Variants in RGS10 observed in about 807,000 individuals in gnomAD.
RGS10 encodes regulator of G protein signaling 10, also known as regulator of G-protein signalling 10.
RGS10 carries 11 observed loss-of-function variants against 23.5 expected under a neutral mutation model. The ratio of observed to expected loss-of-function variants is 0.47; its 90% CI spans 0.29 to 0.77. RGS10 has a LOEUF of 0.77. Ranked by LOEUF, RGS10 falls within the 30% of genes least tolerant of loss-of-function variation. RGS10 has a pLI of 0.08. For synonymous variants in RGS10, 77 were observed against 83.2 expected (o/e 0.92, Z 0.41); for missense variants, 180 against 226.3 (o/e 0.80, Z 1.31).
intron 4 of RGS10, among the ~76,000 whole-genome samples, chr10:119,505,729 A>C (rs1844004168): frequency 6.6e-6 from 1 of 152,214 alleles, no homozygotes; most frequent in Non-Finnish European, 1.5e-5. Context: ...CGAGGACCTC[A>C]ACCAGCCTTG....
At chr10:119,512,219 C>T (rs985808591) in intron 4 of RGS10, among the ~76,000 whole-genome samples, 1 of 152,192 alleles carries the variant, frequency 6.6e-6, no homozygotes, top group African/African-American at 2.4e-5. Context: ...CAGCAGTGCT[C>T]AGCAAAGCCA....
chr10:119,521,492 C>T (rs1424422199), intron 3 of RGS10, among the ~76,000 whole-genome samples: 1 of 150,556 alleles, frequency 6.6e-6, no homozygotes. Flanking sequence ...ATCGCTTGAA[C>T]CTGGAAGACA....
intron 4 of RGS10, among the ~76,000 whole-genome samples, chr10:119,510,549 G>A (rs1028872677): frequency 7.2e-5 from 11 of 152,100 alleles, no homozygotes; most frequent in Non-Finnish European, 1.2e-4. Context: ...TCTGCCCTCC[G>A]TGTGGGGGCA....
At chr10:119,528,009 T>C (rs768127783) in intron 1 of RGS10, among the ~76,000 whole-genome samples, 1 of 152,130 alleles carries the variant, frequency 6.6e-6, no homozygotes, top group Non-Finnish European at 1.5e-5. Context: ...TCAAGATAAA[T>C]GTCATTTCAG....
At chr10:119,529,487 C>T (rs1332853287) in intron 1 of RGS10, among the ~76,000 whole-genome samples, 2 of 152,022 alleles carry the variant, frequency 1.3e-5, no homozygotes, top group Non-Finnish European at 2.9e-5. Flanking sequence ...ACAAAAAACC[C>T]AGTTTCCCCA....
At chr10:119,526,565 T>C (rs1844275357) in intron 2 of RGS10, among the ~76,000 whole-genome samples, 1 of 152,204 alleles carries the variant, frequency 6.6e-6, no homozygotes. Flanking sequence ...TGTTTTCTTA[T>C]GGCCGATCTT....
rs199735313 is a variant in RGS10 at position 119,534,256 on chromosome 10, A to AAAAT, written c.50-6836_50-6833dup. Among the ~76,000 whole-genome samples, 570 of 122,996 alleles carry AAAAT rather than the reference A, an allele frequency of 4.6e-3. 3 individuals are homozygous for AAAAT. Among genetic ancestry groups the AAAAT allele is most frequent in the Middle Eastern group, 0.017 (4 of 240 alleles). The allele number at this position is 122,996 out of a possible 152,430, so 80.7% of individuals were successfully genotyped here. A position where few individuals can be genotyped will look rare whatever the true frequency, so the allele number is the denominator to read the frequency against. On this transcript the variant is annotated intron_variant, in intron 1 of 4. Transcript: ENST00000369103. ...GAGCAACAAAACAAGAACCTGTCTTAAAATAAATAAATAAATAAATAAATA... is the reference window on the plus strand; with the variant it reads ...GAGCAACAAAACAAGAACCTGTCTTAAAATAAATAAATAAATAAATAAATAAATA...
chr10:119,539,372 C>A (rs1485280481), intron 1 of RGS10, among the ~76,000 whole-genome samples: 1 of 152,202 alleles, frequency 6.6e-6, no homozygotes, highest in East Asian at 1.9e-4. Context: ...GAGGGGACGG[C>A]CGAAACCTGC....
chr10:119,540,577 G>A (rs1010132633), intron 1 of RGS10, among the ~76,000 whole-genome samples: 5 of 152,184 alleles, frequency 3.3e-5, no homozygotes, highest in Admixed American at 3.3e-4. Flanking sequence ...TGTCAGTGAT[G>A]TAACCACATT....
rs1240439224 is a variant in RGS10 at position 119,527,095 on chromosome 10, C to T, written c.168+211G>A. ...CACCTCACTACACAAAAACCAGAAA[C>T]AGGCTACCCATCTGTGACAGCGTTG... On this transcript the variant is annotated intron_variant, in intron 2 of 4. Transcript: ENST00000369103. This position sits in a 1 kb window ranked among gnomAD's most constrained non-coding sequence, Gnocchi z 4.2. Among the ~76,000 whole-genome samples, 2 of 152,150 alleles carry T rather than the reference C, an allele frequency of 1.3e-5. No individual in the cohort carries two copies. The highest frequency in any genetic ancestry group is 4.8e-5 in the African/African-American group (2 of 41,426).
intron 3 of RGS10, among the ~76,000 whole-genome samples, chr10:119,518,532 G>A (rs1364235400): frequency 1.3e-5 from 2 of 152,130 alleles, no homozygotes; most frequent in East Asian, 1.9e-4. Context: ...ATCAGCCCCA[G>A]AAGTGCACCT....
intron 4 of RGS10, among the ~76,000 whole-genome samples, chr10:119,502,840 C>A (rs7077832): frequency 3.0e-4 from 46 of 152,312 alleles, no homozygotes; most frequent in African/African-American, 1.1e-3. Flanking sequence ...GCCCATCTCC[C>A]GTGCTGCTGC....
intron 3 of RGS10, among the ~76,000 whole-genome samples, chr10:119,519,162 T>C (rs1844180896): frequency 6.6e-6 from 1 of 152,168 alleles, no homozygotes; most frequent in Non-Finnish European, 1.5e-5. Context: ...TCTCAGACCT[T>C]CCTCTGGAGT....
intron 3 of RGS10, among the ~76,000 whole-genome samples, chr10:119,516,826 C>A (rs998757571): frequency 6.6e-6 from 1 of 152,216 alleles, no homozygotes; most frequent in Non-Finnish European, 1.5e-5. Flanking sequence ...CCCTCTCCTC[C>A]AGAACTTCCC....
chr10:119,519,363 C>T (rs1292742397), intron 3 of RGS10, among the ~76,000 whole-genome samples: 1 of 143,156 alleles, frequency 7.0e-6, no homozygotes, highest in Admixed American at 6.8e-5. Flanking sequence ...GTATCTGTCC[C>T]CCAGCTCCTG....
chr10:119,505,454 A>T (rs142949758), intron 4 of RGS10, among the ~76,000 whole-genome samples: 23 of 151,762 alleles, frequency 1.5e-4, no homozygotes, highest in African/African-American at 5.3e-4. Context: ...TTGGGATCCA[A>T]TCCTACAGGC....
At position 119,500,025 on chromosome 10, in the gene RGS10, C is replaced by T. The variant is rs997117419; in HGVS notation, c.*88G>A. The T allele has an allele frequency of 7.1e-7, 1 of 1,408,696 alleles. No individual in the cohort carries two copies. Among genetic ancestry groups the T allele is most frequent in the Non-Finnish European group, 9.7e-7 (1 of 1,033,834 alleles). 87.3% of individuals were successfully genotyped at this position (1,408,696 alleles called of 1,614,324 possible). On this transcript the variant is annotated 3_prime_UTR_variant, in exon 5 of 5. Transcript: ENST00000369103. ...AGGGTTTTGTACATTTCAGTCCTTA[C>T]AAATAACAAAGCAATGATAAACCCG... is the stretch of plus-strand genomic sequence containing the variant.
At position 119,524,966 on chromosome 10, in the gene RGS10, C is replaced by T. The variant is rs1844257165; in HGVS notation, c.255+1066G>A. ...GTTGTCTGCAAACGCTTCACGGCTT[C>T]TGGCCCATAGATTCCAGCTTTTGGA... On this transcript the variant is annotated intron_variant, in intron 3 of 4. Coordinates refer to ENST00000369103, the MANE Select transcript of RGS10 (RefSeq NM_001005339.2). This position sits in a 1 kb window ranked among gnomAD's most constrained non-coding sequence, Gnocchi z 5.2. Among the ~76,000 whole-genome samples, 1 of 152,218 alleles carries T rather than the reference C, an allele frequency of 6.6e-6. No individual in the cohort carries two copies.
chr10:119,542,569 C>G (rs947411011), intron 1 of RGS10, 21 bp downstream of exon 1: 17 of 1,395,426 alleles, frequency 1.2e-5, no homozygotes, highest in African/African-American at 1.1e-4. Flanking sequence ...CCCGAGCCCG[C>G]GGGCCCCCGA....
Sources: allele counts gnomAD v4.1 joint callset (sites outside exome capture counted in the v4.1 genomes callset), GRCh38; gene constraint gnomAD v4.1.1; non-coding constraint Gnocchi (gnomAD v3.1); transcripts MANE v1.5; gene names NCBI Gene and HGNC (gene_info 2026-07-23, HGNC 2026-07-21).